TMOD3: variants seen among roughly 807,000 people sequenced by gnomAD.
TMOD3 encodes the protein tropomodulin 3, also known as tropomodulin-3.
TMOD3 carries 20 observed loss-of-function variants against 39.2 expected under a neutral mutation model. The ratio of observed to expected loss-of-function variants is 0.51; its 90% confidence interval spans 0.36 to 0.74. The LOEUF is 0.74. Among genes scored for constraint, TMOD3 ranks in the 30% least tolerant of loss-of-function variants. The probability of loss-of-function intolerance (pLI) is 0.00; values close to 1 mark genes in which losing one functional copy is unlikely to be tolerated. For missense variants in TMOD3, 381 were observed against 412.8 expected (o/e 0.92, Z 0.67); for synonymous variants, 143 against 145.8 (o/e 0.98, Z 0.14).
chr15:51,902,644 A>ATTTTTTTTT (rs200954393), intron 9 of TMOD3, among the ~76,000 whole-genome samples: 38 of 94,916 alleles, frequency 4.0e-4, no homozygotes, highest in Non-Finnish European at 5.0e-4. Flanking sequence ...TAATTTTTGT[A>ATTTTTTTTT]TTTTTTTTTT....
intron 3 of TMOD3, among the ~76,000 whole-genome samples, chr15:51,870,363 C>T (rs964848746): frequency 5.3e-5 from 8 of 152,312 alleles, no homozygotes; most frequent in African/African-American, 1.4e-4. Flanking sequence ...TTCACTCTTA[C>T]TTGGAATACT....
chr15:51,860,253 G>C, intron 1 of TMOD3: 1 of 515,294 alleles, frequency 1.9e-6, no homozygotes, highest in Non-Finnish European at 3.9e-6. Flanking sequence ...TCGCTGTGCA[G>C]TTGAAAGCAG....
rs772037410 is a variant in TMOD3, at chr15:51,909,070, A to G, written c.*260A>G. On this transcript the variant is annotated 3_prime_UTR_variant, in exon 10 of 10. Transcript: ENST00000308580. ...TATGATGAATCTTGGGCAAAAAAAT[A>G]CAACTGTAAAAAATTTCACAGGTCA... 7.5e-5 allele frequency: 24 copies of G among 319,822 alleles called. No homozygotes were observed. Among genetic ancestry groups the G allele is most frequent in the Non-Finnish European group, 1.1e-4 (20 of 176,850 alleles). 19.8% of individuals were successfully genotyped at this position (319,822 alleles called of 1,614,324 possible).
chr15:51,871,989 G>C (rs568532109), intron 3 of TMOD3, among the ~76,000 whole-genome samples: 2 of 152,136 alleles, frequency 1.3e-5, no homozygotes, highest in African/African-American at 4.8e-5. Flanking sequence ...TAAGATGATA[G>C]CTTTTTTTTA....
chr15:51,839,049 G>A (rs2141667750), intron 1 of TMOD3, among the ~76,000 whole-genome samples: 1 of 152,186 alleles, frequency 6.6e-6, no homozygotes, highest in South Asian at 2.1e-4. Context: ...GAGGTTTGGG[G>A]TTGTTCATCT....
At chr15:51,859,541 C>T in intron 1 of TMOD3, 1 of 624,558 alleles carries the variant, frequency 1.6e-6, no homozygotes, top group African/African-American at 1.8e-5. Context: ...AATCCAGGTA[C>T]TTATCCTTCA....
At chr15:51,863,035 A>G in intron 2 of TMOD3, 25 bp downstream of exon 2, 3 of 1,595,036 alleles carry the variant, frequency 1.9e-6, no homozygotes, top group East Asian at 2.3e-5. Flanking sequence ...ATGAAGAGAA[A>G]TGAAATAACT....
intron 1 of TMOD3, among the ~76,000 whole-genome samples, chr15:51,844,299 G>T (rs991870182): frequency 2.0e-5 from 3 of 152,134 alleles, no homozygotes; most frequent in Non-Finnish European, 2.9e-5. Context: ...TTGTTAACCA[G>T]TAGACTTTCT....
rs1168312694 is a variant in TMOD3 at position 51,908,815 on chromosome 15, G to A, written c.*5G>A. On this transcript the variant is annotated 3_prime_UTR_variant, in exon 10 of 10. Transcript: ENST00000308580. ...GTTGAAGGAGATCACCAGTAAGTCT[G>A]CAAAGGTGTAATCTTTGGAAGACTT... 1 of 1,605,372 alleles carries A rather than the reference G, an allele frequency of 6.2e-7. No homozygotes were observed. The highest frequency in any genetic ancestry group is 1.1e-5 in the South Asian group (1 of 88,834).
At position 51,913,592 on chromosome 15, in the gene TMOD3, A is replaced by G. The variant is rs1315215232; in HGVS notation, c.*4782A>G. On this transcript the variant is annotated 3_prime_UTR_variant, in exon 10 of 10. Coordinates refer to ENST00000308580, the MANE Select transcript of TMOD3 (RefSeq NM_014547.5). ...TGAATTAGAAATTTGATAATAAAAC[A>G]TATTTTATTAATTTTAAACTCTATC... 6.6e-6 allele frequency: 1 copy of G among 152,198 alleles called. No homozygotes were observed. Among genetic ancestry groups the G allele is most frequent in the East Asian group, 1.9e-4 (1 of 5,192 alleles). The allele number at this position is 152,198 out of a possible 1,614,324, so 9.4% of individuals were successfully genotyped here.
In TMOD3 at chr15:51,913,426, T is replaced by C. The variant is rs1048392598; in HGVS notation, c.*4616T>C. The C allele has an allele frequency of 6.6e-6, 1 of 152,210 alleles. No individual in the cohort carries two copies. Among genetic ancestry groups the C allele is most frequent in the African/African-American group, 2.4e-5 (1 of 41,448 alleles). The allele number at this position is 152,210 out of a possible 1,614,324, so 9.4% of individuals were successfully genotyped here. A position where few individuals can be genotyped will look rare whatever the true frequency, so the allele number is the denominator to read the frequency against. ...GATTAGGGATGCTGAACTGGTGTAA[T>C]GCCCAGTATTCCAAAATCCAAAATA... On this transcript the variant is annotated 3_prime_UTR_variant, in exon 10 of 10. Transcript: ENST00000308580.
intron 1 of TMOD3, chr15:51,833,405 A>T (rs1429140707): frequency 1.3e-5 from 2 of 152,272 alleles, no homozygotes; most frequent in Admixed American, 6.5e-5. Flanking sequence ...TTAACATTCA[A>T]TAAAATGCAC....
At chr15:51,896,177 C>T (rs576217734) in intron 6 of TMOD3, among the ~76,000 whole-genome samples, 1 of 152,112 alleles carries the variant, frequency 6.6e-6, no homozygotes, top group African/African-American at 2.4e-5. Flanking sequence ...AACCTAAATG[C>T]TAGAGAAATG....
At chr15:51,907,602 A>C (rs2141712597) in intron 9 of TMOD3, among the ~76,000 whole-genome samples, 1 of 152,326 alleles carries the variant, frequency 6.6e-6, no homozygotes, top group East Asian at 1.9e-4. Context: ...TCAAACAGCC[A>C]ATTTAGGCCA....
chr15:51,856,550 GA>G lies in TMOD3; in HGVS notation c.-74-6252del, dbSNP rs556967266. On this transcript the variant is annotated intron_variant, in intron 1 of 9. Transcript: ENST00000308580. Reference sequence around the variant, plus strand: ...TACCATGATAAACTTGATAAGACTTGAAAAAAAAATGGAAGAGATTTGTTAC... The same window carrying G: ...TACCATGATAAACTTGATAAGACTTGAAAAAAAATGGAAGAGATTTGTTAC... Among the ~76,000 whole-genome samples, 141 of 145,156 alleles carry G rather than the reference GA, an allele frequency of 9.7e-4. 5 individuals are homozygous for G. In the South Asian group the frequency reaches 0.029, roughly 29 times the overall value.
chr15:51,893,897 T>G lies in TMOD3; in HGVS notation c.579T>G (p.Thr193=), dbSNP rs367547194. The G allele has an allele frequency of 6.4e-5, 103 of 1,609,486 alleles. 1 individual carries two copies. Among genetic ancestry groups the G allele is most frequent in the East Asian group, 3.4e-4 (15 of 44,774 alleles). ...ATGTAGAAGAGAGTTTGAAGAGAACTAAAGAAAACGATGCTCATCTTGTTG... is the reference window on the plus strand; with the variant it reads ...ATGTAGAAGAGAGTTTGAAGAGAACGAAAGAAAACGATGCTCATCTTGTTG... ...PTNVEESLKR[T]KENDAHLVEV... The change falls in exon 6 of 10, where the codon ACT becomes ACG. Residue 193 remains threonine, a synonymous_variant. Transcript: ENST00000308580.
intron 1 of TMOD3, among the ~76,000 whole-genome samples, chr15:51,832,930 A>G (rs1335268989): frequency 6.6e-6 from 1 of 152,226 alleles, no homozygotes; most frequent in Non-Finnish European, 1.5e-5. Context: ...TCTCTCGATT[A>G]GAGTAGATGA....
intron 3 of TMOD3, among the ~76,000 whole-genome samples, chr15:51,883,838 G>A (rs1443767879): frequency 2.6e-5 from 4 of 152,114 alleles, no homozygotes; most frequent in Admixed American, 2.0e-4. Context: ...CTGGTAGATT[G>A]AGCTCAGGAA....
intron 1 of TMOD3, among the ~76,000 whole-genome samples, chr15:51,833,663 T>A (rs1803740906): frequency 6.6e-6 from 1 of 152,222 alleles, no homozygotes; most frequent in Non-Finnish European, 1.5e-5. Flanking sequence ...TAAGAAAGAT[T>A]CATCTATGTT....
Sources: gnomAD v4.1 joint callset for allele counts (sites outside exome capture counted in the v4.1 genomes callset) on GRCh38, gnomAD v4.1.1 for gene constraint, MANE v1.5 for transcripts, NCBI Gene and HGNC (gene_info 2026-07-23, HGNC 2026-07-21) for gene names.